The following ILK variants were observed in gnomAD, a reference collection of about 807,000 sequenced individuals.
ILK encodes the protein integrin linked kinase.
In ILK, 37 loss-of-function variants were observed where a neutral mutation model predicts 57.8. The observed-to-expected ratio is 0.64, with a 90% CI of 0.49 to 0.84. The LOEUF (loss-of-function observed/expected upper bound fraction) is 0.84. Among genes scored for constraint, ILK ranks in the 40% least tolerant of loss-of-function variants. The probability of loss-of-function intolerance (pLI) is 0.00; values close to 1 mark genes in which losing one functional copy is unlikely to be tolerated. For missense variants in ILK, 528 were observed against 595.7 expected (o/e 0.89, Z 1.18); for synonymous variants, 231 against 202.2 (o/e 1.14, Z -1.21).
Position 6,608,283 on chromosome 11 carries a change from C to G in ILK, c.255+72C>G, listed in dbSNP as rs1589935340. 6.3e-7 allele frequency: 1 copy of G among 1,580,394 alleles called. No individual in the cohort carries two copies. Among genetic ancestry groups the G allele is most frequent in the Non-Finnish European group, 8.7e-7 (1 of 1,149,248 alleles). On this transcript the variant is annotated intron_variant, in intron 3 of 12. Transcript: ENST00000299421. The surrounding 1 kb of genome is among the most constrained non-coding windows in gnomAD (Gnocchi z 4.9). ...GGTCAGTCACAGGCACTGTAACATA[C>G]AGTAGAAAGCATGTGTGCTCTTCCC... is the stretch of plus-strand genomic sequence containing the variant.
intron 2 of ILK, 159 bp downstream of exon 2, chr11:6,604,519 G>A: frequency 1.4e-6 from 1 of 711,096 alleles, no homozygotes; most frequent in Non-Finnish European, 2.5e-6. Flanking sequence ...AGAGGACGCA[G>A]TTTGAGCTGA....
intron 8 of ILK, 25 bp from the exon 9 acceptor site, chr11:6,609,487 C>A: frequency 6.2e-6 from 10 of 1,614,102 alleles, no homozygotes; most frequent in Non-Finnish European, 8.5e-6. Context: ...TGTACTGGGT[C>A]TCAACCACTC....
intron 12 of ILK, 37 bp from the exon 13 acceptor site, chr11:6,610,425 T>G (rs771801146): frequency 6.2e-7 from 1 of 1,614,122 alleles, no homozygotes; most frequent in Non-Finnish European, 8.5e-7. Context: ...CATGACAGAC[T>G]CAAATTGTGA....
intron 2 of ILK, among the ~76,000 whole-genome samples, chr11:6,605,467 T>C (rs749771229): frequency 6.6e-5 from 10 of 151,486 alleles, no homozygotes; most frequent in Non-Finnish European, 1.3e-4. Flanking sequence ...TACTGAGAGA[T>C]CAAAGAACAT....
In ILK at chr11:6,608,806, C is replaced by T. The variant is rs574384765; in HGVS notation, c.448+16C>T. 14 of 1,612,570 alleles carry T rather than the reference C, an allele frequency of 8.7e-6. No homozygotes were observed. Among genetic ancestry groups the T allele is most frequent in the South Asian group, 3.3e-5 (3 of 91,054 alleles). On this transcript the variant is annotated intron_variant, in intron 5 of 12. Coordinates refer to ENST00000299421, the MANE Select transcript of ILK (RefSeq NM_004517.4). The surrounding 1 kb of genome is among the most constrained non-coding windows in gnomAD (Gnocchi z 4.9). ...CTTCTCCGAGGTCCATCTCCCCATCCCCTAGCTTGTGTCCTCTCGTCCCTT... is the reference window on the plus strand; with the variant it reads ...CTTCTCCGAGGTCCATCTCCCCATCTCCTAGCTTGTGTCCTCTCGTCCCTT...
chr11:6,604,803 G>T, intron 2 of ILK: 1 of 459,856 alleles, frequency 2.2e-6, no homozygotes, highest in East Asian at 6.8e-5. Context: ...TATTTTAAAA[G>T]CAAGGTTTTA....
chr11:6,604,509 A>T, intron 2 of ILK, 149 bp downstream of exon 2: 2 of 733,184 alleles, frequency 2.7e-6, no homozygotes, highest in Non-Finnish European at 4.8e-6. Flanking sequence ...GGGTTTTCAC[A>T]GAGGACGCAG....
intron 1 of ILK, 69 bp from the exon 2 acceptor site, chr11:6,604,111 A>G (rs1854576323): frequency 1.4e-6 from 1 of 695,996 alleles, no homozygotes; most frequent in Non-Finnish European, 2.5e-6. Flanking sequence ...GAACTCCTTC[A>G]CAGACCCCCA....
In ILK at chr11:6,610,669, C is replaced by A; in HGVS notation, c.*58C>A. ...GTCGGGACATGGTTGGGGGAATGCACCTCCCCAAAGCAGCAGGCCTCTGGT... is the reference window on the plus strand; with the variant it reads ...GTCGGGACATGGTTGGGGGAATGCAACTCCCCAAAGCAGCAGGCCTCTGGT... On this transcript the variant is annotated 3_prime_UTR_variant, in exon 13 of 13. Coordinates refer to ENST00000299421, the MANE Select transcript of ILK (RefSeq NM_004517.4). The A allele has an allele frequency of 6.2e-7, 1 of 1,602,306 alleles. No individual in the cohort carries two copies. Among genetic ancestry groups the A allele is most frequent in the Non-Finnish European group, 8.5e-7 (1 of 1,170,134 alleles).
In ILK at chr11:6,610,145, C is replaced by T; in HGVS notation, c.1079-3C>T. On this transcript the variant is annotated splice_polypyrimidine_tract_variant and splice_region_variant and intron_variant, in intron 11 of 12. Transcript: ENST00000299421. ...CCAGAACAGACAAGCCCTATCTCTC[C>T]AGCTCTGCAGAAGAAGCCTGAAGAC... 1 of 1,614,210 alleles carries T rather than the reference C, an allele frequency of 6.2e-7. No homozygotes were observed. The highest frequency in any genetic ancestry group is 1.1e-5 in the South Asian group (1 of 91,082).
intron 2 of ILK, among the ~76,000 whole-genome samples, chr11:6,605,902 G>A (rs923655425): frequency 3.3e-5 from 5 of 152,218 alleles, no homozygotes; most frequent in African/African-American, 2.4e-5. Flanking sequence ...TAGGCCGGGC[G>A]CGGTGGCTCA....
Position 6,609,171 on chromosome 11 carries a change from T to A in ILK, c.618+15T>A. On this transcript the variant is annotated intron_variant, in intron 7 of 12. Transcript: ENST00000299421. ...ACTCTGGAGAGGTGACCCCTGCCCTTCTTGCCCTTCCCTCACTAAACCCCC... is the reference window on the plus strand; with the variant it reads ...ACTCTGGAGAGGTGACCCCTGCCCTACTTGCCCTTCCCTCACTAAACCCCC... 5.0e-6 allele frequency: 8 copies of A among 1,611,102 alleles called. No individual in the cohort carries two copies. Among genetic ancestry groups the A allele is most frequent in the Non-Finnish European group, 6.8e-6 (8 of 1,177,250 alleles).
chr11:6,609,611 C>T lies in ILK; in HGVS notation c.828C>T (p.Ser276=), dbSNP rs528302756. The T allele has an allele frequency of 1.4e-4, 228 of 1,614,170 alleles. 5 individuals are homozygous for T. The South Asian group carries it at 2.4e-3, about 17-fold the overall frequency. The change falls in exon 9 of 13, where the codon TCC becomes TCT. Residue 276 remains serine, a synonymous_variant. Coordinates refer to ENST00000299421, the MANE Select transcript of ILK (RefSeq NM_004517.4). ...TCACACACTGGATGCCGTATGGATC[C>T]CTCTACAATGTACTACATGAAGGCA... ...TLITHWMPYG[S]LYNVLHEGTN...
intron 2 of ILK, chr11:6,606,771 G>A (rs1484342272): frequency 6.6e-6 from 1 of 152,200 alleles, no homozygotes; most frequent in East Asian, 1.9e-4. Context: ...CAGCCTGATA[G>A]TGAACAGAAC....
At position 6,605,168 on chromosome 11, in the gene ILK, TG is replaced by T. The variant is rs1854735194; in HGVS notation, c.89+810del. 2.0e-5 allele frequency among the ~76,000 whole-genome samples: 3 copies of T among 152,264 alleles called. No individual in the cohort carries two copies. The South Asian group carries it at 6.2e-4, about 32-fold the overall frequency. On this transcript the variant is annotated intron_variant, in intron 2 of 12. Transcript: ENST00000299421. ...AAGGTGGAAATGTTGAGTGTGTTGT[TG>T]GTTATGCAGATTTGCAATTCAGGGG...
chr11:6,604,839 T>A (rs929102799), intron 2 of ILK: 6 of 457,356 alleles, frequency 1.3e-5, no homozygotes, highest in African/African-American at 1.2e-4. Context: ...ATAATGAGAT[T>A]GTCCATTTTT....
chr11:6,604,519 G>GT (rs1854632752), intron 2 of ILK, 159 bp downstream of exon 2: 1 of 711,096 alleles, frequency 1.4e-6, no homozygotes, highest in African/African-American at 1.7e-5. Context: ...AGAGGACGCA[G>GT]TTTGAGCTGA....
intron 2 of ILK, 94 bp from the exon 3 acceptor site, chr11:6,607,952 C>A: frequency 7.5e-7 from 1 of 1,325,852 alleles, no homozygotes; most frequent in Non-Finnish European, 1.1e-6. Context: ...AGAGGTAAGC[C>A]TTCCCAGAGA....
rs1855363075 is a variant in ILK, at chr11:6,610,218, G to A, written c.1149G>A (p.Trp383Ter). The A allele has an allele frequency of 1.2e-6, 2 of 1,614,238 alleles. No individual in the cohort carries two copies. The highest frequency in any genetic ancestry group is 1.7e-6 in the Non-Finnish European group (2 of 1,180,042). Residue 383 changes from tryptophan to a stop codon, truncating the protein, a stop_gained, in exon 12 of 13, where the codon TGG (tryptophan) becomes TGA (stop). Transcript: ENST00000299421. LOFTEE classifies it high-confidence loss of function. The stretch of plus-strand genomic sequence containing the variant: ...TGTGGAGTTTTGCAGTGCTTCTGTG[G>A]GAACTGGTGACACGGGAGGTACCCT... The part of the protein sequence containing the change: ...ADMWSFAVLL[W>*]ELVTREVPFA...
Sources: gnomAD v4.1 joint callset for allele counts (sites outside exome capture counted in the v4.1 genomes callset) on GRCh38, gnomAD v4.1.1 for gene constraint, Gnocchi (gnomAD v3.1) non-coding constraint, MANE v1.5 for transcripts, NCBI Gene and HGNC (gene_info 2026-07-23, HGNC 2026-07-21) for gene names.